OTUD7A: variants seen among roughly 807,000 people sequenced by gnomAD.
The protein encoded by OTUD7A is OTU deubiquitinase 7A.
Under a neutral mutation model 65.7 loss-of-function variants are expected in OTUD7A, and 12 were observed. The ratio of observed to expected loss-of-function variants is 0.18; its 90% CI spans 0.12 to 0.30. The LOEUF is 0.30. OTUD7A is among the 10% of genes least tolerant of loss of function. The probability of loss-of-function intolerance (pLI) is 1.00; values close to 1 mark genes in which losing one functional copy is unlikely to be tolerated. For synonymous variants in OTUD7A, 641 were observed against 586.3 expected, an observed-to-expected ratio of 1.09 and a Z score of -1.35; for missense variants, 1,148 against 1,304.8, an observed-to-expected ratio of 0.88 and a Z score of 1.85.
At chr15:31,662,752 A>G (rs112391352) in intron 1 of OTUD7A, among the ~76,000 whole-genome samples, 1 of 152,214 alleles carries the variant, frequency 6.6e-6, no homozygotes. Flanking sequence ...TTAAAAACAA[A>G]TTTTGAGTTC....
At chr15:31,629,578 G>C (rs941198796) in intron 3 of OTUD7A, among the ~76,000 whole-genome samples, 1 of 152,146 alleles carries the variant, frequency 6.6e-6, no homozygotes, top group African/African-American at 2.4e-5. Context: ...TCTCTGCCAG[G>C]CTTTGGTATC....
chr15:31,526,561 C>T (rs2042017707), intron 7 of OTUD7A, 100 bp from the exon 8 acceptor site: 1 of 903,302 alleles, frequency 1.1e-6, no homozygotes, highest in Admixed American at 2.9e-5. Flanking sequence ...GGGACCCAGG[C>T]CAGGCACATC....
At chr15:31,808,136 C>CACACACACAAAAAA (rs772574742) in intron 1 of OTUD7A, among the ~76,000 whole-genome samples, 1,502 of 119,250 alleles carry the variant, frequency 0.013, 26 homozygotes, top group East Asian at 0.048. Flanking sequence ...CACACACACA[C>CACACACACAAAAAA]AAACAAATCC....
intron 1 of OTUD7A, among the ~76,000 whole-genome samples, chr15:31,715,273 C>T (rs944199572): frequency 6.7e-6 from 1 of 148,896 alleles, no homozygotes; most frequent in African/African-American, 2.5e-5. Context: ...CGCTGTTCCA[C>T]CTCTGCAGCT....
At chr15:31,608,312 T>C (rs1022593217) in intron 3 of OTUD7A, among the ~76,000 whole-genome samples, 1 of 152,132 alleles carries the variant, frequency 6.6e-6, no homozygotes, top group Non-Finnish European at 1.5e-5. Context: ...AGTCTAGAAC[T>C]GAAAAATAGA....
rs531934383 is a variant in OTUD7A at position 31,657,036 on chromosome 15, T to C, written c.-58A>G. 1 of 152,704 alleles carries C rather than the reference T, an allele frequency of 6.5e-6. No individual in the cohort carries two copies. Among genetic ancestry groups the C allele is most frequent in the Non-Finnish European group, 1.5e-5 (1 of 68,062 alleles). The allele number at this position is 152,704 out of a possible 1,614,324, so 9.5% of individuals were successfully genotyped here. ...TGATTTCTTCCTTCTCTCCATGCAC[T>C]GGGGCCTCGGCCGGGAGAGTCTCTT... On this transcript the variant is annotated 5_prime_UTR_variant, in exon 2 of 13. Coordinates refer to ENST00000307050, the MANE Select transcript of OTUD7A (RefSeq NM_001382637.1).
rs1427339620 is a variant in OTUD7A at position 31,627,589 on chromosome 15, C to G, written c.151+27507G>C. 5.9e-5 allele frequency among the ~76,000 whole-genome samples: 9 copies of G among 152,052 alleles called. 1 individual carries two copies. Among genetic ancestry groups the G allele is most frequent in the African/African-American group, 2.2e-4 (9 of 41,382 alleles). ...TCTTTATAGCAGCATGATTTATAAT[C>G]CTTTGGGTATGTACCCAGTAATGGG... is the stretch of plus-strand genomic sequence containing the variant. On this transcript the variant is annotated intron_variant, in intron 3 of 12. Coordinates refer to ENST00000307050, the MANE Select transcript of OTUD7A (RefSeq NM_001382637.1).
chr15:31,494,769 C>T (rs2041360762), intron 10 of OTUD7A, among the ~76,000 whole-genome samples: 1 of 152,192 alleles, frequency 6.6e-6, no homozygotes, highest in African/African-American at 2.4e-5. Flanking sequence ...AACTCACTCC[C>T]CACATCCAGG....
intron 1 of OTUD7A, among the ~76,000 whole-genome samples, chr15:31,752,427 A>G (rs1039651156): frequency 1.3e-5 from 2 of 152,208 alleles, no homozygotes; most frequent in East Asian, 3.8e-4. Context: ...TTGACAAGTG[A>G]TAGTTGCTTA....
intron 1 of OTUD7A, among the ~76,000 whole-genome samples, chr15:31,668,907 G>A (rs2338903): frequency 5.3e-5 from 8 of 152,166 alleles, no homozygotes; most frequent in Non-Finnish European, 1.0e-4. Flanking sequence ...AAACTGCAGC[G>A]ACTGCTGTCT....
chr15:31,479,781 A>C lies in OTUD7A; in HGVS notation c.*3513T>G, dbSNP rs970608983. 1.8e-4 allele frequency: 28 copies of C among 151,836 alleles called. No homozygotes were observed. The highest frequency in any genetic ancestry group is 6.0e-4 in the African/African-American group (25 of 41,340). The allele number at this position is 151,836 out of a possible 1,614,324, so 9.4% of individuals were successfully genotyped here. On this transcript the variant is annotated 3_prime_UTR_variant, in exon 13 of 13. Coordinates refer to ENST00000307050, the MANE Select transcript of OTUD7A (RefSeq NM_001382637.1). ...CATGGAGAGTCCTTTTATCTTCAGC[A>C]CCCCCAATTCTTGACAGTAAGCTAC...
At chr15:31,514,413 C>G (rs1332815216) in intron 8 of OTUD7A, among the ~76,000 whole-genome samples, 1 of 152,114 alleles carries the variant, frequency 6.6e-6, no homozygotes, top group African/African-American at 2.4e-5. Context: ...AGTTCACACT[C>G]ACACATGGAT....
intron 3 of OTUD7A, among the ~76,000 whole-genome samples, chr15:31,603,438 T>C (rs149618510): frequency 0.014 from 2,097 of 152,246 alleles, 21 homozygotes; most frequent in Non-Finnish European, 0.021. Context: ...TACACAAAAA[T>C]TAACTCAAGA....
At chr15:31,628,011 G>A (rs1891016272) in intron 3 of OTUD7A, among the ~76,000 whole-genome samples, 2 of 152,052 alleles carry the variant, frequency 1.3e-5, no homozygotes, top group African/African-American at 4.8e-5. Context: ...CAGATGAGTA[G>A]GTTGCAAAAA....
chr15:31,827,817 C>G (rs1036090916), intron 1 of OTUD7A, among the ~76,000 whole-genome samples: 1 of 145,410 alleles, frequency 6.9e-6, no homozygotes, highest in Non-Finnish European at 1.5e-5. Flanking sequence ...ATCCCAGCTA[C>G]TCAGGAGACT....
chr15:31,721,767 A>G (rs1893745563), intron 1 of OTUD7A, among the ~76,000 whole-genome samples: 2 of 152,284 alleles, frequency 1.3e-5, no homozygotes, highest in East Asian at 1.9e-4. Context: ...AAAAACCATG[A>G]AAGTGTATCC....
rs1219104242 is a variant in OTUD7A, at chr15:31,870,620, C to G, written c.-213G>C. On this transcript the variant is annotated 5_prime_UTR_variant, in exon 1 of 13. Coordinates refer to ENST00000307050, the MANE Select transcript of OTUD7A (RefSeq NM_001382637.1). ...CCAGATCAGCTGTTTTGCTCCCGCT[C>G]GGGCTCCGCGGCCCCCTCCCCAGCT... 3 of 148,304 alleles carry G rather than the reference C, an allele frequency of 2.0e-5. No homozygotes were observed. Among genetic ancestry groups the G allele is most frequent in the African/African-American group, 4.9e-5 (2 of 40,988 alleles). The allele number at this position is 148,304 out of a possible 1,614,324, so 9.2% of individuals were successfully genotyped here.
chr15:31,636,560 G>T (rs1372864830), intron 3 of OTUD7A, among the ~76,000 whole-genome samples: 1 of 151,902 alleles, frequency 6.6e-6, no homozygotes, highest in Non-Finnish European at 1.5e-5. Context: ...AAAAAAAAAA[G>T]AATTTCATGT....
At chr15:31,860,626 T>TATAC (rs780376218) in intron 1 of OTUD7A, among the ~76,000 whole-genome samples, 3,563 of 16,446 alleles carry the variant, frequency 0.22, 467 homozygotes, top group Non-Finnish European at 0.29. Flanking sequence ...AGTGGAGATA[T>TATAC]ATATATATAT....
Sources: gnomAD v4.1 joint callset for allele counts (sites outside exome capture counted in the v4.1 genomes callset) on GRCh38, gnomAD v4.1.1 for gene constraint, MANE v1.5 for transcripts, NCBI Gene and HGNC (gene_info 2026-07-23, HGNC 2026-07-21) for gene names.